The following LGSN variants were observed in gnomAD, a reference collection of about 807,000 sequenced individuals.
The protein encoded by LGSN is lengsin, lens protein with glutamine synthetase domain, also known as lengsin.
Under a neutral mutation model 19.5 loss-of-function variants are expected in LGSN, and 21 were observed. That is an observed-to-expected ratio of 1.07 (90% CI 0.76 to 1.55). The LOEUF (loss-of-function observed/expected upper bound fraction) is 1.55. LGSN is among the 40% of genes most tolerant of loss of function. The probability of loss-of-function intolerance (pLI) is 0.00; values close to 1 mark genes in which losing one functional copy is unlikely to be tolerated. For synonymous variants in LGSN, 257 were observed against 215.6 expected (o/e 1.19, Z -1.68); for missense variants, 673 against 608.5 (o/e 1.11, Z -1.12).
the LGSN span, among the ~76,000 whole-genome samples, chr6:63,505,926 G>A: frequency 6.6e-6 from 1 of 152,166 alleles, no homozygotes; most frequent in Non-Finnish European, 1.5e-5. Context: ...TGGGATTACA[G>A]GCATGAGCCA....
chr6:63,443,286 C>A, the LGSN span, among the ~76,000 whole-genome samples: 2 of 152,218 alleles, frequency 1.3e-5, no homozygotes, highest in Admixed American at 6.5e-5. Context: ...TGCTGGCCCG[C>A]GAGCACGCAG....
chr6:63,348,082 A>C, the LGSN span, among the ~76,000 whole-genome samples: 1 of 152,252 alleles, frequency 6.6e-6, no homozygotes, highest in East Asian at 1.9e-4. Flanking sequence ...AAGCATAAAT[A>C]AGCTAGTCAT....
the LGSN span, among the ~76,000 whole-genome samples, chr6:63,505,565 A>AAAAAGAAAGAAAGAG: frequency 0.011 from 646 of 58,638 alleles, 104 homozygotes; most frequent in African/African-American, 0.046. Context: ...AAAAAAAAAA[A>AAAAAGAAAGAAAGAG]AAAGAAAGAA....
At chr6:63,399,961 T>C in the LGSN span, among the ~76,000 whole-genome samples, 1 of 152,322 alleles carries the variant, frequency 6.6e-6, no homozygotes, top group African/African-American at 2.4e-5. Context: ...CACTTCAGCC[T>C]CCCAATATAC....
At chr6:63,384,387 A>G in the LGSN span, among the ~76,000 whole-genome samples, 11 of 152,314 alleles carry the variant, frequency 7.2e-5, no homozygotes, top group East Asian at 3.9e-4. Context: ...AAACTTATGG[A>G]AAGGTTTTCC....
At chr6:63,489,071 G>A in the LGSN span, among the ~76,000 whole-genome samples, 2 of 152,092 alleles carry the variant, frequency 1.3e-5, no homozygotes, top group Admixed American at 1.3e-4. Context: ...TAAGGATCAT[G>A]ATAAAAAATT....
the LGSN span, among the ~76,000 whole-genome samples, chr6:63,505,430 T>C: frequency 2.0e-5 from 3 of 150,746 alleles, no homozygotes; most frequent in Non-Finnish European, 3.0e-5. Context: ...ATACAAAAAT[T>C]AGCCAGGTGT....
the LGSN span, among the ~76,000 whole-genome samples, chr6:63,350,294 T>C: frequency 1.8e-4 from 28 of 152,370 alleles, no homozygotes; most frequent in African/African-American, 6.5e-4. Flanking sequence ...GCAATTACTA[T>C]ATTAATTATT....
At chr6:63,380,103 G>A in the LGSN span, among the ~76,000 whole-genome samples, 1 of 152,178 alleles carries the variant, frequency 6.6e-6, no homozygotes, top group Non-Finnish European at 1.5e-5. Flanking sequence ...CTCCCAAAGT[G>A]CTAGGATTAC....
At chr6:63,534,690 G>A in the LGSN span, among the ~76,000 whole-genome samples, 1 of 151,586 alleles carries the variant, frequency 6.6e-6, no homozygotes, top group Non-Finnish European at 1.5e-5. Context: ...GCTCATGCCT[G>A]TAACCCCAGC....
At chr6:63,504,556 C>T in the LGSN span, among the ~76,000 whole-genome samples, 9 of 152,006 alleles carry the variant, frequency 5.9e-5, no homozygotes, top group Admixed American at 5.9e-4. Flanking sequence ...GATTCTTGTG[C>T]CTCAGCCTCC....
the LGSN span, among the ~76,000 whole-genome samples, chr6:63,331,465 T>A: frequency 2.0e-5 from 3 of 152,170 alleles, no homozygotes; most frequent in African/African-American, 4.8e-5. Flanking sequence ...TTGGTCCCAA[T>A]GGCTTAGGAT....
chr6:63,298,104 C>T (rs1188067894), intron 1 of LGSN, among the ~76,000 whole-genome samples: 2 of 152,148 alleles, frequency 1.3e-5, no homozygotes, highest in East Asian at 3.9e-4. Context: ...AATTTTTCTA[C>T]AGGTTTTCTT....
the LGSN span, among the ~76,000 whole-genome samples, chr6:63,412,566 GA>G: frequency 7.0e-5 from 9 of 127,724 alleles, no homozygotes; most frequent in South Asian, 2.4e-4. Flanking sequence ...AAGAAAGAAA[GA>G]AAGGAAGGAA....
the LGSN span, among the ~76,000 whole-genome samples, chr6:63,456,333 C>G: frequency 7.6e-6 from 1 of 130,842 alleles, no homozygotes; most frequent in African/African-American, 2.9e-5. Flanking sequence ...TTGCAGACCT[C>G]AAACTTGGCA....
chr6:63,486,682 CTTTTTTTTT>C, the LGSN span, among the ~76,000 whole-genome samples: 2 of 115,850 alleles, frequency 1.7e-5, no homozygotes, highest in African/African-American at 6.7e-5. Flanking sequence ...TTATTTTCTT[CTTTTTTTTT>C]TTTTTTTTTT....
chr6:63,559,418 C>G, the LGSN span, among the ~76,000 whole-genome samples: 1 of 152,020 alleles, frequency 6.6e-6, no homozygotes, highest in Non-Finnish European at 1.5e-5. Context: ...AGAAAAATGG[C>G]TTAAACGCAG....
chr6:63,333,554 AAAGG>A, the LGSN span, among the ~76,000 whole-genome samples: 13 of 144,716 alleles, frequency 9.0e-5, no homozygotes, highest in Non-Finnish European at 1.2e-4. Flanking sequence ...AAAGAAAAAG[AAAGG>A]AAGGAAGGAG....
the LGSN span, among the ~76,000 whole-genome samples, chr6:63,565,534 T>C: frequency 1.2e-4 from 19 of 152,346 alleles, no homozygotes; most frequent in Admixed American, 1.2e-3. Context: ...CTTGATAAGA[T>C]GTTACTTCTG....
Sources: allele counts gnomAD v4.1 joint callset (sites outside exome capture counted in the v4.1 genomes callset), GRCh38; gene constraint gnomAD v4.1.1; transcripts MANE v1.5; gene names NCBI Gene and HGNC (gene_info 2026-07-23, HGNC 2026-07-21).